SHC4: variants seen among roughly 807,000 people sequenced by gnomAD.
SHC4 encodes the protein SHC-transforming protein 4.
A neutral mutation model predicts 69.4 loss-of-function variants in SHC4; 41 were observed. That is an observed-to-expected ratio of 0.59 (90% CI 0.46 to 0.77). The LOEUF (loss-of-function observed/expected upper bound fraction) is 0.77. SHC4 is among the 30% of genes least tolerant of loss of function. The pLI is 0.00. For missense variants in SHC4, 777 were observed against 783.8 expected (o/e 0.99, Z 0.10); for synonymous variants, 318 against 299.3 (o/e 1.06, Z -0.64).
intron 9 of SHC4, 35 bp downstream of exon 9, chr15:48,851,150 TAAG>T (rs1475625992): frequency 6.2e-7 from 1 of 1,604,618 alleles, no homozygotes; most frequent in African/African-American, 1.3e-5. Context: ...TTACAAGGAA[TAAG>T]GAGGGTGGCA....
chr15:48,890,919 A>G (rs1312855644), intron 2 of SHC4, 108 bp from the exon 3 acceptor site: 1 of 1,140,716 alleles, frequency 8.8e-7, no homozygotes, highest in African/African-American at 1.5e-5. Context: ...CATACATAAT[A>G]GTGAGTCTAA....
At chr15:48,871,378 ATTC>A (rs1899674536) in intron 5 of SHC4, among the ~76,000 whole-genome samples, 1 of 152,364 alleles carries the variant, frequency 6.6e-6, no homozygotes, top group African/African-American at 2.4e-5. Flanking sequence ...TGGCAAAAGT[ATTC>A]TTCTACTCCC....
intron 1 of SHC4, among the ~76,000 whole-genome samples, chr15:48,932,438 T>C (rs1474305864): frequency 1.3e-5 from 2 of 152,180 alleles, no homozygotes; most frequent in Non-Finnish European, 2.9e-5. Context: ...GATCCAGCTT[T>C]CTTAGAATGA....
At position 48,825,815 on chromosome 15, in the gene SHC4, C is replaced by T. The variant is rs1898677558; in HGVS notation, c.*156G>A. 1.0e-5 allele frequency: 9 copies of T among 863,192 alleles called. No individual in the cohort carries two copies. Among genetic ancestry groups the T allele is most frequent in the Non-Finnish European group, 1.5e-5 (9 of 587,990 alleles). 53.5% of individuals were successfully genotyped at this position (863,192 alleles called of 1,614,324 possible). A position where few individuals can be genotyped will look rare whatever the true frequency, so the allele number is the denominator to read the frequency against. ...TTCTGAAGACTAATTTTTGTTAGTTCTTCATTTTATAGAGGACCTGGTCCA... is the reference window on the plus strand; with the variant it reads ...TTCTGAAGACTAATTTTTGTTAGTTTTTCATTTTATAGAGGACCTGGTCCA... On this transcript the variant is annotated 3_prime_UTR_variant, in exon 12 of 12. Transcript: ENST00000332408.
At chr15:48,929,324 C>T (rs1026860502) in intron 1 of SHC4, among the ~76,000 whole-genome samples, 1 of 152,126 alleles carries the variant, frequency 6.6e-6, no homozygotes, top group South Asian at 2.1e-4. Context: ...GTATTAAATG[C>T]GGATCTGCAT....
intron 4 of SHC4, among the ~76,000 whole-genome samples, chr15:48,875,826 G>A (rs765073906): frequency 3.5e-4 from 54 of 152,346 alleles, no homozygotes; most frequent in Non-Finnish European, 7.6e-4. Context: ...TATGCACCAT[G>A]TCATCCATAG....
rs1024101222 is a variant in SHC4, at chr15:48,931,244, A to C, written c.586-6295T>G. Among the ~76,000 whole-genome samples the C allele has an allele frequency of 7.9e-5, 12 of 152,152 alleles. 1 individual carries two copies. Among genetic ancestry groups the C allele is most frequent in the Admixed American group, 3.9e-4 (6 of 15,264 alleles). On this transcript the variant is annotated intron_variant, in intron 1 of 11. Coordinates refer to ENST00000332408, the MANE Select transcript of SHC4 (RefSeq NM_203349.4). ...TATTAGAATCACTTGGGAAGTATTAAAAATTCTGATTCCTAGGTTCTACTC... is the reference window on the plus strand; with the variant it reads ...TATTAGAATCACTTGGGAAGTATTACAAATTCTGATTCCTAGGTTCTACTC...
chr15:48,858,757 G>A (rs1899380534), intron 6 of SHC4, among the ~76,000 whole-genome samples: 1 of 152,088 alleles, frequency 6.6e-6, no homozygotes, highest in African/African-American at 2.4e-5. Flanking sequence ...TAAAGACAGA[G>A]GCAATAAATC....
intron 11 of SHC4, among the ~76,000 whole-genome samples, chr15:48,830,647 CA>C (rs1429865708): frequency 1.3e-5 from 2 of 152,122 alleles, no homozygotes; most frequent in Non-Finnish European, 2.9e-5. Context: ...AAGAGTTTAG[CA>C]GAAGCTTTTT....
chr15:48,872,178 A>G, intron 4 of SHC4, 36 bp from the exon 5 acceptor site: 1 of 1,243,094 alleles, frequency 8.0e-7, no homozygotes, highest in Non-Finnish European at 1.1e-6. Context: ...ATATAAATTA[A>G]TTGTTATTTC....
At chr15:48,846,509 A>G (rs1350256210) in intron 9 of SHC4, among the ~76,000 whole-genome samples, 1 of 152,118 alleles carries the variant, frequency 6.6e-6, no homozygotes, top group African/African-American at 2.4e-5. Context: ...GTCCTTCAAG[A>G]TTCTGCTCTG....
intron 8 of SHC4, among the ~76,000 whole-genome samples, chr15:48,851,684 G>A (rs546786803): frequency 3.3e-5 from 5 of 152,172 alleles, no homozygotes; most frequent in Non-Finnish European, 5.9e-5. Context: ...TCTCACCCTT[G>A]AAAATCTTAT....
chr15:48,895,094 A>C (rs1158501625), intron 2 of SHC4, among the ~76,000 whole-genome samples: 1 of 152,054 alleles, frequency 6.6e-6, no homozygotes, highest in African/African-American at 2.4e-5. Context: ...TGTGAGCCAC[A>C]GCTCCTGGCC....
chr15:48,837,994 C>A (rs1248120590), intron 10 of SHC4, among the ~76,000 whole-genome samples: 2 of 152,100 alleles, frequency 1.3e-5, no homozygotes, highest in African/African-American at 4.8e-5. Flanking sequence ...TTTAAAAGCA[C>A]CTGTATACAA....
rs201140105 is a variant in SHC4 at position 48,880,895 on chromosome 15, TTAATCTCTCTGGCTCA to T, written c.840+3337_840+3352del. 6.0e-3 allele frequency among the ~76,000 whole-genome samples: 915 copies of T among 152,096 alleles called. 7 individuals carry two copies. The highest frequency in any genetic ancestry group is 0.021 in the African/African-American group (865 of 41,452). ...ATTTATTAGCTCAGTAACTGGGAAA[TTAATCTCTCTGGCTCA>T]TGTCCTAAACTGAAAATAGGAACAA... On this transcript the variant is annotated intron_variant, in intron 4 of 11. Coordinates refer to ENST00000332408, the MANE Select transcript of SHC4 (RefSeq NM_203349.4).
chr15:48,868,863 A>G (rs1204242706), intron 5 of SHC4, among the ~76,000 whole-genome samples: 3 of 152,340 alleles, frequency 2.0e-5, no homozygotes, highest in African/African-American at 4.8e-5. Flanking sequence ...GGTTTTAAAT[A>G]TCCTCTAAAT....
At chr15:48,906,420 T>C (rs1595752310) in intron 2 of SHC4, among the ~76,000 whole-genome samples, 2 of 152,274 alleles carry the variant, frequency 1.3e-5, no homozygotes, top group South Asian at 4.1e-4. Context: ...AGCTTCTTTT[T>C]CCACCTGATT....
At chr15:48,855,461 G>A (rs1899293746) in intron 8 of SHC4, among the ~76,000 whole-genome samples, 1 of 152,106 alleles carries the variant, frequency 6.6e-6, no homozygotes, top group African/African-American at 2.4e-5. Flanking sequence ...AAAGGAAGAT[G>A]ACAAGGAGGT....
chr15:48,910,345 C>T (rs920098600), intron 2 of SHC4, among the ~76,000 whole-genome samples: 2 of 151,970 alleles, frequency 1.3e-5, no homozygotes, highest in East Asian at 1.9e-4. Context: ...AGTTTATGTG[C>T]GTAAAGGTGC....
Sources: gnomAD v4.1 joint callset for allele counts (sites outside exome capture counted in the v4.1 genomes callset) on GRCh38, gnomAD v4.1.1 for gene constraint, MANE v1.5 for transcripts, NCBI Gene and HGNC (gene_info 2026-07-23, HGNC 2026-07-21) for gene names.